Variants in RAD18 observed in about 807,000 individuals in gnomAD.
RAD18 encodes the protein E3 ubiquitin-protein ligase RAD18.
Under a neutral mutation model 60.4 loss-of-function variants are expected in RAD18, and 47 were observed. That is an observed-to-expected ratio of 0.78 (90% CI 0.62 to 0.99). The LOEUF (loss-of-function observed/expected upper bound fraction) is 0.99. Among genes scored for constraint, RAD18 ranks in the 50% least tolerant of loss-of-function variants. The probability of loss-of-function intolerance (pLI) is 0.00; values close to 1 mark genes in which losing one functional copy is unlikely to be tolerated. For missense variants in RAD18, 640 were observed against 593.3 expected (o/e 1.08, Z -0.82); for synonymous variants, 225 against 195.5 (o/e 1.15, Z -1.26).
chr3:8,891,743 G>A (rs541021020), intron 11 of RAD18, among the ~76,000 whole-genome samples: 1 of 152,100 alleles, frequency 6.6e-6, no homozygotes, highest in Non-Finnish European at 1.5e-5. Flanking sequence ...TACAAAATTT[G>A]GGAGGTTCAG....
chr3:8,884,521 T>C (rs541397752), intron 12 of RAD18, among the ~76,000 whole-genome samples: 43 of 152,354 alleles, frequency 2.8e-4, no homozygotes, highest in African/African-American at 1.0e-3. Context: ...CTGACTCTTT[T>C]TAAGGCTTAA....
At chr3:8,890,208 T>C in intron 12 of RAD18, 181 bp downstream of exon 12, 1 of 582,240 alleles carries the variant, frequency 1.7e-6, no homozygotes, top group Non-Finnish European at 3.0e-6. Flanking sequence ...TTACATAGGA[T>C]TCCATTTCTT....
At chr3:8,949,462 T>C (rs1468338896) in intron 2 of RAD18, among the ~76,000 whole-genome samples, 3 of 151,998 alleles carry the variant, frequency 2.0e-5, no homozygotes, top group African/African-American at 7.3e-5. Flanking sequence ...AAGAAACATA[T>C]TATGAAAAGG....
At chr3:8,928,493 C>G (rs1238597820) in intron 7 of RAD18, among the ~76,000 whole-genome samples, 1 of 152,018 alleles carries the variant, frequency 6.6e-6, no homozygotes, top group Non-Finnish European at 1.5e-5. Context: ...AAAGTAGCTG[C>G]TATACTCATA....
intron 7 of RAD18, among the ~76,000 whole-genome samples, chr3:8,921,344 C>A (rs1940316529): frequency 6.6e-6 from 1 of 152,148 alleles, no homozygotes; most frequent in African/African-American, 2.4e-5. Context: ...CTCAACAGCA[C>A]ATCTGCACTA....
intron 3 of RAD18, among the ~76,000 whole-genome samples, chr3:8,947,920 A>T (rs993431583): frequency 9.9e-5 from 15 of 152,224 alleles, no homozygotes; most frequent in African/African-American, 3.6e-4. Flanking sequence ...AGGCAAAACT[A>T]ACCAAACTCC....
intron 11 of RAD18, among the ~76,000 whole-genome samples, chr3:8,897,639 G>A (rs898823216): frequency 1.3e-5 from 2 of 152,146 alleles, no homozygotes; most frequent in African/African-American, 4.8e-5. Context: ...TCAGTTACCA[G>A]AATCAAATGG....
chr3:8,938,876 G>A (rs1014341111), intron 6 of RAD18, among the ~76,000 whole-genome samples: 1 of 152,114 alleles, frequency 6.6e-6, no homozygotes, highest in Non-Finnish European at 1.5e-5. Context: ...ATTTAAGTTT[G>A]ACTAGTATTT....
intron 7 of RAD18, among the ~76,000 whole-genome samples, chr3:8,919,251 T>C (rs1015346992): frequency 3.9e-5 from 6 of 152,154 alleles, no homozygotes; most frequent in African/African-American, 1.4e-4. Flanking sequence ...TTAAACAAGA[T>C]GACTTCCTGC....
chr3:8,922,720 T>C (rs560617097), intron 7 of RAD18, among the ~76,000 whole-genome samples: 1 of 152,224 alleles, frequency 6.6e-6, no homozygotes, highest in South Asian at 2.1e-4. Flanking sequence ...AAACAAAACT[T>C]CCAGAGGAAC....
intron 2 of RAD18, among the ~76,000 whole-genome samples, chr3:8,949,659 G>C (rs551497105): frequency 8.1e-4 from 121 of 150,300 alleles, no homozygotes; most frequent in African/African-American, 2.9e-3. Flanking sequence ...TGCTCTCCCC[G>C]AACTGGAGAG....
chr3:8,949,674 A>AGC lies in RAD18; in HGVS notation c.134-1105_134-1104insGC, dbSNP rs539160455. ...TGCTCTCCCCGAACTGGAGAGAGAG[A>AGC]GGGGGGTAATACAGACAATCACAAC... On this transcript the variant is annotated intron_variant, in intron 2 of 12. Coordinates refer to ENST00000264926, the MANE Select transcript of RAD18 (RefSeq NM_020165.4). Among the ~76,000 whole-genome samples the AGC allele has an allele frequency of 8.1e-3, 1,227 of 152,146 alleles. 11 individuals are homozygous for AGC. The highest frequency in any genetic ancestry group is 0.028 in the African/African-American group (1,176 of 41,486).
rs370121426 is a variant in RAD18 at position 8,884,139 on chromosome 3, C to T, written c.1386-2680G>A. Among the ~76,000 whole-genome samples, 7 of 152,328 alleles carry T rather than the reference C, an allele frequency of 4.6e-5. No individual in the cohort carries two copies. The East Asian group carries it at 1.2e-3, about 25-fold the overall frequency. On this transcript the variant is annotated intron_variant, in intron 12 of 12. Transcript: ENST00000264926. Reference sequence around the variant, plus strand: ...TGGGGACTGTCAGCCTGCTGGTCCTCACCATGACTGCAGACTGTTGGCTCC... The same window carrying T: ...TGGGGACTGTCAGCCTGCTGGTCCTTACCATGACTGCAGACTGTTGGCTCC...
At chr3:8,928,586 A>T (rs1940491093) in intron 7 of RAD18, among the ~76,000 whole-genome samples, 1 of 152,200 alleles carries the variant, frequency 6.6e-6, no homozygotes, top group Non-Finnish European at 1.5e-5. Context: ...CTAATCAAGA[A>T]GATACATAAT....
intron 7 of RAD18, among the ~76,000 whole-genome samples, chr3:8,922,259 G>A (rs892661117): frequency 1.5e-4 from 23 of 152,206 alleles, no homozygotes; most frequent in Admixed American, 7.2e-4. Context: ...CTTCTCCAAC[G>A]GTCTTAGCAA....
chr3:8,902,658 G>GA, intron 9 of RAD18, 138 bp from the exon 10 acceptor site: 1 of 779,492 alleles, frequency 1.3e-6, no homozygotes, highest in Non-Finnish European at 1.9e-6. Context: ...TCAGGAGCCT[G>GA]AAGTGAATGG....
intron 12 of RAD18, among the ~76,000 whole-genome samples, chr3:8,884,710 C>A (rs1939527592): frequency 6.6e-6 from 1 of 152,138 alleles, no homozygotes; most frequent in African/African-American, 2.4e-5. Context: ...TGCAAGAAGT[C>A]ATCTATACTT....
rs1941122900 is a variant in RAD18, at chr3:8,963,422, T to TA, written c.-38dup. 1.9e-6 allele frequency: 3 copies of TA among 1,552,650 alleles called. No homozygotes were observed. The highest frequency in any genetic ancestry group is 2.6e-6 in the Non-Finnish European group (3 of 1,141,192). ...AGGATGCTGGGGGTCAGCCACCCAC[T>TA]AGCCTCCGGCGCTCCAACACCACTC... On this transcript the variant is annotated 5_prime_UTR_variant, in exon 1 of 13. Transcript: ENST00000264926.
Position 8,941,775 on chromosome 3 carries a change from G to T in RAD18, c.296C>A (p.Ser99Ter). Residue 99 changes from serine (S) to a stop codon, truncating the protein, a stop_gained, in exon 5 of 13, where the codon TCA becomes TAA. Coordinates refer to ENST00000264926, the MANE Select transcript of RAD18 (RefSeq NM_020165.4). LOFTEE classifies it high-confidence loss of function. ...RNHLLQFALE[S>*]PAKSPASSSS... is the part of the protein sequence containing the mutation. ...GGAAGAAGCAGGAGATTTGGCTGGT[G>T]ACTCTAAAGCAAACTGCAGCAGATG... The T allele has an allele frequency of 6.2e-7, 1 of 1,613,836 alleles. No individual in the cohort carries two copies. The highest frequency in any genetic ancestry group is 1.1e-5 in the South Asian group (1 of 91,032).
Sources: allele counts gnomAD v4.1 joint callset (sites outside exome capture counted in the v4.1 genomes callset), GRCh38; gene constraint gnomAD v4.1.1; transcripts MANE v1.5; gene names NCBI Gene and HGNC (gene_info 2026-07-23, HGNC 2026-07-21).